P3H2: variants seen among roughly 807,000 people sequenced by gnomAD.
P3H2 encodes the protein prolyl 3-hydroxylase 2.
P3H2 carries 80 observed loss-of-function variants against 87.0 expected under a neutral mutation model. The observed-to-expected ratio is 0.92, with a 90% confidence interval of 0.77 to 1.11. The LOEUF is 1.11. Ranked by LOEUF, P3H2 falls within the 50% of genes least tolerant of loss-of-function variation. The probability of loss-of-function intolerance (pLI) is 0.00; values close to 1 mark genes in which losing one functional copy is unlikely to be tolerated. For missense variants in P3H2, 1,001 were observed against 923.9 expected (o/e 1.08, Z -1.08); for synonymous variants, 367 against 359.3 (o/e 1.02, Z -0.24).
At position 190,029,160 on chromosome 3, in the gene P3H2, T is replaced by C. The variant is rs74405676; in HGVS notation, c.481-33718A>G. Among the ~76,000 whole-genome samples the C allele has an allele frequency of 6.0e-3, 921 of 152,334 alleles. 6 individuals carry two copies. Among genetic ancestry groups the C allele is most frequent in the African/African-American group, 0.021 (862 of 41,574 alleles). On this transcript the variant is annotated intron_variant, in intron 1 of 14. Transcript: ENST00000319332. ...GGGGGTGGTTAGTATTTATTAAGTGTCCATTGAGTTTGGAGCTCTCAATAT... is the reference window on the plus strand; with the variant it reads ...GGGGGTGGTTAGTATTTATTAAGTGCCCATTGAGTTTGGAGCTCTCAATAT...
At chr3:189,962,899 T>C (rs541302192) in intron 14 of P3H2, among the ~76,000 whole-genome samples, 3 of 152,356 alleles carry the variant, frequency 2.0e-5, no homozygotes, top group South Asian at 2.1e-4. Flanking sequence ...GTTTTAAGAA[T>C]AGAATTTCAT....
intron 1 of P3H2, among the ~76,000 whole-genome samples, chr3:190,068,760 A>G (rs1726598221): frequency 6.6e-6 from 1 of 152,186 alleles, no homozygotes; most frequent in Non-Finnish European, 1.5e-5. Flanking sequence ...TTTTCTCGGT[A>G]AAATGACAGC....
At chr3:190,071,732 A>G (rs973717068) in intron 1 of P3H2, among the ~76,000 whole-genome samples, 2 of 151,934 alleles carry the variant, frequency 1.3e-5, no homozygotes, top group African/African-American at 2.4e-5. Flanking sequence ...TCTTTTTAGT[A>G]TCTAGGATTC....
intron 1 of P3H2, among the ~76,000 whole-genome samples, chr3:190,089,843 G>A (rs6787151): frequency 1.3e-5 from 2 of 152,022 alleles, no homozygotes; most frequent in African/African-American, 2.4e-5. Flanking sequence ...GGCTACCACC[G>A]TGGTGCAATT....
intron 13 of P3H2, among the ~76,000 whole-genome samples, chr3:189,967,276 G>C (rs1473939667): frequency 6.6e-6 from 1 of 151,300 alleles, no homozygotes; most frequent in East Asian, 1.9e-4. Context: ...TTTTAGGGGA[G>C]GTTAGATTCT....
At chr3:190,005,213 C>T (rs1290682883) in intron 1 of P3H2, among the ~76,000 whole-genome samples, 2 of 152,264 alleles carry the variant, frequency 1.3e-5, no homozygotes, top group Admixed American at 6.5e-5. Context: ...GTTGCTGTGT[C>T]TGCAACATTG....
intron 7 of P3H2, among the ~76,000 whole-genome samples, chr3:189,983,682 C>T (rs1028145667): frequency 5.3e-5 from 8 of 152,060 alleles, no homozygotes; most frequent in African/African-American, 1.9e-4. Context: ...TAATTTTATG[C>T]CACCCAAGGG....
At chr3:190,121,479 C>T (rs538119785), upstream of P3H2, 1 of 152,314 alleles carries the variant, frequency 6.6e-6, no homozygotes, top group South Asian at 2.1e-4. Context: ...GGACCCAACC[C>T]AGGGCCTTTA....
At chr3:190,053,640 T>A (rs1353025952) in intron 1 of P3H2, among the ~76,000 whole-genome samples, 1 of 151,990 alleles carries the variant, frequency 6.6e-6, no homozygotes, top group Non-Finnish European at 1.5e-5. Context: ...GTATTCTTAG[T>A]AGAGACAGGG....
chr3:190,078,680 T>C (rs1476324525), intron 1 of P3H2, among the ~76,000 whole-genome samples: 1 of 152,198 alleles, frequency 6.6e-6, no homozygotes, highest in African/African-American at 2.4e-5. Context: ...AGTGTTATTA[T>C]CCTCACTCAT....
chr3:189,981,482 G>C (rs550338103), intron 8 of P3H2, among the ~76,000 whole-genome samples: 1 of 151,900 alleles, frequency 6.6e-6, no homozygotes, highest in Admixed American at 6.6e-5. Flanking sequence ...GAGTACGGTA[G>C]GTAAAAAAAA....
At chr3:190,041,648 C>T (rs573110923) in intron 1 of P3H2, among the ~76,000 whole-genome samples, 15 of 152,252 alleles carry the variant, frequency 9.9e-5, no homozygotes, top group African/African-American at 3.6e-4. Flanking sequence ...GTCATTGTTG[C>T]CCCTCTATTA....
At chr3:190,018,218 C>A (rs1724830168) in intron 1 of P3H2, among the ~76,000 whole-genome samples, 1 of 152,212 alleles carries the variant, frequency 6.6e-6, no homozygotes, top group African/African-American at 2.4e-5. Flanking sequence ...ACTAATCACT[C>A]ACATTTGCCA....
chr3:190,067,437 C>G (rs2108970596), intron 1 of P3H2, among the ~76,000 whole-genome samples: 2 of 152,286 alleles, frequency 1.3e-5, no homozygotes, highest in South Asian at 4.1e-4. Flanking sequence ...GTATTTCCCT[C>G]ATACACCCCA....
chr3:190,105,519 T>G (rs193009721), intron 1 of P3H2, among the ~76,000 whole-genome samples: 38 of 152,342 alleles, frequency 2.5e-4, no homozygotes, highest in Admixed American at 2.3e-3. Context: ...TTCTGTCCTC[T>G]TAAATTACCA....
intron 3 of P3H2, among the ~76,000 whole-genome samples, chr3:189,993,680 T>G (rs1723950204): frequency 6.6e-6 from 1 of 152,162 alleles, no homozygotes; most frequent in African/African-American, 2.4e-5. Flanking sequence ...ACTAAAGGAC[T>G]AGTCAATTAA....
At chr3:190,115,911 T>C (rs984463056) in intron 1 of P3H2, among the ~76,000 whole-genome samples, 9 of 152,208 alleles carry the variant, frequency 5.9e-5, no homozygotes, top group Admixed American at 1.3e-4. Context: ...ATCTGTAATT[T>C]TGAATCACAT....
chr3:190,011,618 C>T (rs561946267), intron 1 of P3H2, among the ~76,000 whole-genome samples: 2 of 152,080 alleles, frequency 1.3e-5, no homozygotes, highest in Admixed American at 6.5e-5. Context: ...CCAGAGCACC[C>T]GACAGAAAGA....
intron 1 of P3H2, among the ~76,000 whole-genome samples, chr3:190,090,478 T>C (rs1030103334): frequency 6.6e-6 from 1 of 151,792 alleles, no homozygotes; most frequent in Non-Finnish European, 1.5e-5. Flanking sequence ...CTGAGGCGGG[T>C]GGATCACGAG....
Sources: allele counts gnomAD v4.1 joint callset (sites outside exome capture counted in the v4.1 genomes callset), GRCh38; gene constraint gnomAD v4.1.1; transcripts MANE v1.5; gene names NCBI Gene and HGNC (gene_info 2026-07-23, HGNC 2026-07-21).